BEND3: variants seen among roughly 807,000 people sequenced by gnomAD.
BEND3 encodes BEN domain containing 3, also known as BEN domain-containing protein 3.
In BEND3, 13 loss-of-function variants were observed where a neutral mutation model predicts 60.1. The ratio of observed to expected loss-of-function variants is 0.22; its 90% CI spans 0.14 to 0.34. The LOEUF (loss-of-function observed/expected upper bound fraction) is 0.34, where lower values mean the gene tolerates loss of function less well. BEND3 is among the 10% of genes least tolerant of loss of function. BEND3 has a pLI of 1.00. For synonymous variants in BEND3, 497 were observed against 491.5 expected, an observed-to-expected ratio of 1.01 and a Z score of -0.15; for missense variants, 896 against 1,138.1, an observed-to-expected ratio of 0.79 and a Z score of 3.06.
intron 1 of BEND3, among the ~76,000 whole-genome samples, chr6:107,100,545 G>A (rs782077251): frequency 6.6e-6 from 1 of 152,176 alleles, no homozygotes; most frequent in Non-Finnish European, 1.5e-5. Context: ...GGGATTAGAG[G>A]TGTGAGCCAT....
At chr6:107,113,523 C>G (rs1235314336) in intron 1 of BEND3, among the ~76,000 whole-genome samples, 1 of 151,512 alleles carries the variant, frequency 6.6e-6, no homozygotes, top group African/African-American at 2.4e-5. Context: ...CAGACACCAG[C>G]TAACCCAGCA....
chr6:107,092,758 T>C lies in BEND3; in HGVS notation c.240+5793A>G, dbSNP rs188976765. The stretch of plus-strand genomic sequence containing the variant: ...GAATCCAAAAAACAACTGGAACTAA[T>C]AAAGCAATTATAGGAAGGTTGTAGT... On this transcript the variant is annotated intron_variant, in intron 3 of 3. Transcript: ENST00000369042. Among the ~76,000 whole-genome samples, 193 of 152,314 alleles carry C rather than the reference T, an allele frequency of 1.3e-3. 2 individuals are homozygous for C. The highest frequency in any genetic ancestry group is 4.5e-3 in the African/African-American group (187 of 41,570).
chr6:107,112,465 T>A (rs564352678), intron 1 of BEND3, among the ~76,000 whole-genome samples: 3 of 152,300 alleles, frequency 2.0e-5, no homozygotes, highest in Non-Finnish European at 4.4e-5. Context: ...CAGCCTATCG[T>A]CTTGCTGGGC....
At chr6:107,080,117 C>T (rs1252416493) in intron 3 of BEND3, among the ~76,000 whole-genome samples, 1 of 151,806 alleles carries the variant, frequency 6.6e-6, no homozygotes, top group Non-Finnish European at 1.5e-5. Flanking sequence ...TTACATATGG[C>T]TGGCTGTGGT....
intron 3 of BEND3, among the ~76,000 whole-genome samples, chr6:107,087,726 G>C (rs1775382641): frequency 7.3e-6 from 1 of 136,688 alleles, no homozygotes; most frequent in African/African-American, 2.7e-5. Flanking sequence ...GACAGAGCAA[G>C]ACTCCATCTC....
At chr6:107,095,489 G>A (rs1775566807) in intron 3 of BEND3, among the ~76,000 whole-genome samples, 1 of 152,194 alleles carries the variant, frequency 6.6e-6, no homozygotes, top group Non-Finnish European at 1.5e-5. Context: ...CAGCCACTTT[G>A]GAAGGCAGTT....
intron 1 of BEND3, among the ~76,000 whole-genome samples, chr6:107,112,877 G>C (rs1770146091): frequency 6.7e-6 from 1 of 150,266 alleles, no homozygotes; most frequent in Non-Finnish European, 1.5e-5. Flanking sequence ...AAAAAAGAAA[G>C]GCTGGGCGCG....
chr6:107,084,074 C>T (rs1317566033), intron 3 of BEND3, among the ~76,000 whole-genome samples: 3 of 152,248 alleles, frequency 2.0e-5, no homozygotes, highest in African/African-American at 4.8e-5. Flanking sequence ...AAAATCAACA[C>T]GTTTTCTTAA....
chr6:107,086,728 G>GT (rs1775356637), intron 3 of BEND3, among the ~76,000 whole-genome samples: 1 of 151,278 alleles, frequency 6.6e-6, no homozygotes, highest in East Asian at 2.0e-4. Context: ...ACCATGTCTG[G>GT]TTACTAAGAA....
At chr6:107,100,619 A>T (rs1775684234) in intron 1 of BEND3, among the ~76,000 whole-genome samples, 2 of 152,148 alleles carry the variant, frequency 1.3e-5, no homozygotes, top group Non-Finnish European at 2.9e-5. Context: ...CAGGGTCTGA[A>T]GCAAAACCTG....
chr6:107,101,401 T>C (rs1296933959), intron 1 of BEND3, among the ~76,000 whole-genome samples: 1 of 152,146 alleles, frequency 6.6e-6, no homozygotes, highest in African/African-American at 2.4e-5. Flanking sequence ...TTACTAATAA[T>C]GGCAACACAT....
At chr6:107,103,326 G>C (rs1775739488) in intron 1 of BEND3, among the ~76,000 whole-genome samples, 1 of 152,176 alleles carries the variant, frequency 6.6e-6, no homozygotes. Context: ...CTCCTCCTGG[G>C]TGGACACCCA....
intron 1 of BEND3, 133 bp downstream of exon 1, chr6:107,114,957 C>A (rs2115046873): frequency 6.8e-6 from 1 of 148,062 alleles, no homozygotes; most frequent in Admixed American, 6.7e-5. Context: ...TCGGAGCAGC[C>A]CCCCTCCGCG....
chr6:107,112,081 G>C (rs1402199611), intron 1 of BEND3, among the ~76,000 whole-genome samples: 2 of 151,996 alleles, frequency 1.3e-5, no homozygotes, highest in Admixed American at 1.3e-4. Flanking sequence ...TGGTTGGCTA[G>C]CGACCTTCAT....
intron 3 of BEND3, among the ~76,000 whole-genome samples, chr6:107,081,167 C>G (rs964694484): frequency 2.0e-5 from 3 of 151,616 alleles, no homozygotes; most frequent in Admixed American, 6.6e-5. Flanking sequence ...CTTAGCCTCC[C>G]AAAATGCTGG....
chr6:107,084,955 C>T (rs1775310883), intron 3 of BEND3, among the ~76,000 whole-genome samples: 1 of 152,224 alleles, frequency 6.6e-6, no homozygotes, highest in East Asian at 1.9e-4. Context: ...GCTGTGGAAG[C>T]TTTGTTCTCT....
chr6:107,077,651 C>A (rs1045918541), intron 3 of BEND3, among the ~76,000 whole-genome samples: 4 of 152,154 alleles, frequency 2.6e-5, no homozygotes, highest in African/African-American at 9.7e-5. Flanking sequence ...ATGAGTGCAC[C>A]TAAGGCTTCT....
chr6:107,086,305 C>T (rs576253140), intron 3 of BEND3, among the ~76,000 whole-genome samples: 1 of 152,236 alleles, frequency 6.6e-6, no homozygotes, highest in African/African-American at 2.4e-5. Flanking sequence ...GTGAAGTTTA[C>T]AGTCCAGAGA....
chr6:107,080,198 A>G (rs1775196275), intron 3 of BEND3, among the ~76,000 whole-genome samples: 1 of 151,744 alleles, frequency 6.6e-6, no homozygotes, highest in African/African-American at 2.4e-5. Flanking sequence ...GTAGTTGGAG[A>G]CCAACCTGGG....
Sources: gnomAD v4.1 joint callset for allele counts (sites outside exome capture counted in the v4.1 genomes callset) on GRCh38, gnomAD v4.1.1 for gene constraint, MANE v1.5 for transcripts, NCBI Gene and HGNC (gene_info 2026-07-23, HGNC 2026-07-21) for gene names.